The following MBNL1 variants were observed in gnomAD, a reference collection of about 807,000 sequenced individuals.
MBNL1 encodes the protein muscleblind-like protein 1.
In MBNL1, 8 loss-of-function variants were observed where a neutral mutation model predicts 42.2. That is an observed-to-expected ratio of 0.19 (90% confidence interval 0.11 to 0.34). The LOEUF (loss-of-function observed/expected upper bound fraction) is 0.34, where lower values mean the gene tolerates loss of function less well. Among genes scored for constraint, MBNL1 ranks in the 10% least tolerant of loss-of-function variants. The pLI, the probability that MBNL1 is intolerant of heterozygous loss-of-function variation, is 1.00. For missense variants in MBNL1, 309 were observed against 495.3 expected (o/e 0.62, Z 3.57); for synonymous variants, 169 against 173.9 (o/e 0.97, Z 0.22).
At chr3:152,436,938 G>A (rs1470359402) in intron 4 of MBNL1, among the ~76,000 whole-genome samples, 1 of 152,182 alleles carries the variant, frequency 6.6e-6, no homozygotes, top group Non-Finnish European at 1.5e-5. Flanking sequence ...CTGATCCAGT[G>A]TCACAGTTAC....
At chr3:152,459,476 G>A in intron 9 of MBNL1, 131 bp downstream of exon 9, 1 of 424,168 alleles carries the variant, frequency 2.4e-6, no homozygotes, top group Non-Finnish European at 4.3e-6. Flanking sequence ...ATCTTAAATG[G>A]GTGTGAGGAA....
At chr3:152,386,441 G>GGC (rs2097427660) in intron 2 of MBNL1, among the ~76,000 whole-genome samples, 1 of 151,950 alleles carries the variant, frequency 6.6e-6, no homozygotes, top group Admixed American at 6.6e-5. Context: ...ACTTTTAATT[G>GGC]GCAAATCCCA....
At chr3:152,364,483 C>G (rs2096233414) in intron 2 of MBNL1, among the ~76,000 whole-genome samples, 1 of 152,008 alleles carries the variant, frequency 6.6e-6, no homozygotes, top group African/African-American at 2.4e-5. Flanking sequence ...CCACCTCAAT[C>G]AGAAGTGGTG....
At chr3:152,461,424 A>G (rs1208814237) in intron 9 of MBNL1, among the ~76,000 whole-genome samples, 1 of 152,216 alleles carries the variant, frequency 6.6e-6, no homozygotes, top group East Asian at 1.9e-4. Context: ...TTTTTTTGAC[A>G]TGCCAGAAAA....
intron 3 of MBNL1, among the ~76,000 whole-genome samples, chr3:152,417,952 C>T (rs933152689): frequency 6.6e-6 from 1 of 152,110 alleles, no homozygotes; most frequent in African/African-American, 2.4e-5. Flanking sequence ...TTGTGAGTGA[C>T]GAGGTCTATA....
intron 2 of MBNL1, among the ~76,000 whole-genome samples, chr3:152,380,552 T>A (rs975084516): frequency 6.6e-6 from 1 of 152,096 alleles, no homozygotes; most frequent in Non-Finnish European, 1.5e-5. Context: ...TGCTTCATTA[T>A]CCTTACCTTC....
At chr3:152,295,912 G>A (rs920319861) in intron 1 of MBNL1, among the ~76,000 whole-genome samples, 1 of 152,192 alleles carries the variant, frequency 6.6e-6, no homozygotes, top group African/African-American at 2.4e-5. Flanking sequence ...AAGATAAAAT[G>A]TATCAGTTTG....
chr3:152,308,551 G>A (rs541951396), intron 2 of MBNL1, among the ~76,000 whole-genome samples: 18 of 152,286 alleles, frequency 1.2e-4, no homozygotes, highest in Admixed American at 3.9e-4. Flanking sequence ...CTTCCCACCT[G>A]TGTAACCTTT....
chr3:152,442,804 A>G (rs2099161356), intron 4 of MBNL1, among the ~76,000 whole-genome samples: 1 of 152,204 alleles, frequency 6.6e-6, no homozygotes, highest in African/African-American at 2.4e-5. Context: ...ATGCATATCT[A>G]ATGCTTGGTA....
intron 2 of MBNL1, among the ~76,000 whole-genome samples, chr3:152,380,029 T>G (rs891296522): frequency 1.3e-5 from 2 of 152,136 alleles, no homozygotes; most frequent in African/African-American, 4.8e-5. Context: ...CTCAAAGATC[T>G]TCTTAAAGAT....
Position 152,299,906 on chromosome 3 carries a change from C to T in MBNL1, c.-288C>T, listed in dbSNP as rs142602412. On this transcript the variant is annotated 5_prime_UTR_variant, in exon 2 of 10. Transcript: ENST00000324210. ...GGTTACTGAGAGCACAAGGCTGATA[C>T]CAGGCCCTACTTTTAAACGTTCATC... 20 of 431,876 alleles carry T rather than the reference C, an allele frequency of 4.6e-5. No homozygotes were observed. The East Asian group carries it at 6.9e-4, about 15-fold the overall frequency. 26.8% of individuals were successfully genotyped at this position (431,876 alleles called of 1,614,324 possible).
intron 1 of MBNL1, among the ~76,000 whole-genome samples, chr3:152,279,882 CTT>C (rs2047420870): frequency 6.6e-6 from 1 of 152,152 alleles, no homozygotes; most frequent in Non-Finnish European, 1.5e-5. Flanking sequence ...CTCTCTGTAA[CTT>C]TACATGTGAT....
chr3:152,376,763 G>A (rs979805216), intron 2 of MBNL1, among the ~76,000 whole-genome samples: 9 of 151,524 alleles, frequency 5.9e-5, no homozygotes, highest in South Asian at 2.1e-4. Context: ...GGGGTGCCAC[G>A]CACTCTCTCT....
At chr3:152,451,579 C>T (rs536766543) in intron 6 of MBNL1, among the ~76,000 whole-genome samples, 2 of 152,252 alleles carry the variant, frequency 1.3e-5, no homozygotes, top group South Asian at 4.2e-4. Flanking sequence ...TGAAGGATTG[C>T]AAACTGATAG....
intron 9 of MBNL1, 71 bp downstream of exon 9, chr3:152,459,416 A>G (rs112954884): frequency 1.2e-6 from 1 of 801,312 alleles, no homozygotes; most frequent in Non-Finnish European, 1.8e-6. Flanking sequence ...TGTATAGTGC[A>G]CTTAAAATTT....
intron 2 of MBNL1, among the ~76,000 whole-genome samples, chr3:152,389,681 T>A (rs1165458633): frequency 6.6e-6 from 1 of 152,128 alleles, no homozygotes; most frequent in Non-Finnish European, 1.5e-5. Flanking sequence ...TTTTTACACC[T>A]GTATAGTATA....
chr3:152,344,666 A>G (rs2093921917), intron 2 of MBNL1, among the ~76,000 whole-genome samples: 1 of 152,162 alleles, frequency 6.6e-6, no homozygotes, highest in Admixed American at 6.6e-5. Flanking sequence ...GCACTAAGTT[A>G]ATATTACACA....
chr3:152,450,980 T>A (rs1185455558), intron 6 of MBNL1, among the ~76,000 whole-genome samples: 1 of 152,244 alleles, frequency 6.6e-6, no homozygotes, highest in Non-Finnish European at 1.5e-5. Context: ...AAAGTTTGGT[T>A]GTTCTGCAGA....
At chr3:152,440,033 A>G (rs941871709) in intron 4 of MBNL1, among the ~76,000 whole-genome samples, 4 of 152,130 alleles carry the variant, frequency 2.6e-5, no homozygotes, top group African/African-American at 7.2e-5. Context: ...GGTCATTCCT[A>G]TTCAGATTTT....
Sources: gnomAD v4.1 joint callset for allele counts (sites outside exome capture counted in the v4.1 genomes callset) on GRCh38, gnomAD v4.1.1 for gene constraint, MANE v1.5 for transcripts, NCBI Gene and HGNC (gene_info 2026-07-23, HGNC 2026-07-21) for gene names.